CPS1: variants seen among roughly 807,000 people sequenced by gnomAD.
CPS1 encodes the protein carbamoyl-phosphate synthase 1.
In CPS1, 109 loss-of-function variants were observed where a neutral mutation model predicts 174.6. The ratio of observed to expected loss-of-function variants is 0.62; its 90% CI spans 0.53 to 0.73. The LOEUF (loss-of-function observed/expected upper bound fraction) is 0.73, where lower values mean the gene tolerates loss of function less well. CPS1 is among the 30% of genes least tolerant of loss of function. The pLI, the probability that CPS1 is intolerant of heterozygous loss-of-function variation, is 0.00. For missense variants in CPS1, 1,689 were observed against 1,821.9 expected (o/e 0.93, Z 1.33); for synonymous variants, 637 against 632.0 (o/e 1.01, Z -0.12).
intron 1 of CPS1, among the ~76,000 whole-genome samples, chr2:210,491,012 T>C (rs960637557): frequency 6.6e-6 from 1 of 152,162 alleles, no homozygotes. Context: ...AAAATCCCCT[T>C]GAGGACTATG....
chr2:210,583,391 C>T (rs1697994378), intron 6 of CPS1, among the ~76,000 whole-genome samples: 2 of 152,082 alleles, frequency 1.3e-5, no homozygotes, highest in Non-Finnish European at 2.9e-5. Context: ...GCAAGTAAAT[C>T]ACCATGTGCA....
intron 14 of CPS1, 115 bp from the exon 15 acceptor site, chr2:210,600,440 G>C: frequency 1.0e-6 from 1 of 1,000,684 alleles, no homozygotes; most frequent in East Asian, 2.5e-5. Context: ...TTCTATTGTA[G>C]ACAGTGGTAA....
At chr2:210,625,652 A>G (rs1315997468) in intron 21 of CPS1, among the ~76,000 whole-genome samples, 1 of 152,088 alleles carries the variant, frequency 6.6e-6, no homozygotes, top group Non-Finnish European at 1.5e-5. Flanking sequence ...GGAAGAGAGA[A>G]TTTAAAATAA....
At chr2:210,604,764 C>T (rs1194128510) in intron 16 of CPS1, among the ~76,000 whole-genome samples, 1 of 151,904 alleles carries the variant, frequency 6.6e-6, no homozygotes, top group African/African-American at 2.4e-5. Context: ...ATCACATTTT[C>T]TGGTTTCACA....
chr2:210,577,326 G>T, intron 3 of CPS1, 95 bp from the exon 4 acceptor site: 1 of 947,806 alleles, frequency 1.1e-6, no homozygotes. Context: ...CATGTCAGTG[G>T]ATATCATAAA....
chr2:210,677,161 A>G, intron 37 of CPS1, 25 bp downstream of exon 37: 7 of 1,611,318 alleles, frequency 4.3e-6, no homozygotes, highest in Non-Finnish European at 5.9e-6. Context: ...TTGGATATAG[A>G]CTGGATGGGA....
At chr2:210,573,192 A>T (rs984962108) in intron 1 of CPS1, 106 bp from the exon 2 acceptor site, 1 of 996,684 alleles carries the variant, frequency 1.0e-6, no homozygotes. Flanking sequence ...GGTTTCATTA[A>T]ATATACTGTG....
At chr2:210,481,420 C>G (rs1184526521) in intron 1 of CPS1, among the ~76,000 whole-genome samples, 1 of 152,188 alleles carries the variant, frequency 6.6e-6, no homozygotes, top group African/African-American at 2.4e-5. Context: ...GGGGTCTTCT[C>G]AGGACGCTGA....
Position 210,611,456 on chromosome 2 carries a change from G to A in CPS1, c.2392-661G>A, listed in dbSNP as rs577115627. On this transcript the variant is annotated intron_variant, in intron 19 of 37. Transcript: ENST00000233072. ...GCAAGATCAATTTAAGTTTAGTTCT[G>A]ACATGCAACTTGTCCAAACTAAATC... Among the ~76,000 whole-genome samples, 230 of 151,996 alleles carry A rather than the reference G, an allele frequency of 1.5e-3. 1 individual carries two copies. The highest frequency in any genetic ancestry group is 5.4e-3 in the African/African-American group (225 of 41,518).
Position 210,604,696 on chromosome 2 carries a change from A to G in CPS1, c.1837-406A>G, listed in dbSNP as rs575252050. Among the ~76,000 whole-genome samples the G allele has an allele frequency of 3.9e-5, 6 of 152,036 alleles. 1 individual carries two copies. The East Asian group carries it at 1.2e-3, about 30-fold the overall frequency. Reference sequence around the variant, plus strand: ...GTGTGTCACTGTACAAAGCACCCTCAGCTATTTTAGAGAGAGCCAGAGTCT... The same window carrying G: ...GTGTGTCACTGTACAAAGCACCCTCGGCTATTTTAGAGAGAGCCAGAGTCT... On this transcript the variant is annotated intron_variant, in intron 16 of 37. Transcript: ENST00000233072.
chr2:210,527,125 T>C (rs1261074842), intron 1 of CPS1, among the ~76,000 whole-genome samples: 3 of 151,938 alleles, frequency 2.0e-5, no homozygotes, highest in African/African-American at 7.2e-5. Flanking sequence ...TTTATTTCTT[T>C]CCTTTCCTTT....
chr2:210,550,889 T>G (rs1696712258), intron 1 of CPS1, among the ~76,000 whole-genome samples: 1 of 151,930 alleles, frequency 6.6e-6, no homozygotes, highest in Non-Finnish European at 1.5e-5. Flanking sequence ...ATTTTAAATT[T>G]AATAGTTAGC....
At chr2:210,669,324 A>G (rs1701215051) in intron 34 of CPS1, among the ~76,000 whole-genome samples, 1 of 152,166 alleles carries the variant, frequency 6.6e-6, no homozygotes. Flanking sequence ...AGGCTTCCCA[A>G]CTGGTCATTC....
intron 7 of CPS1, among the ~76,000 whole-genome samples, chr2:210,588,599 A>G (rs564908183): frequency 2.0e-5 from 3 of 152,126 alleles, no homozygotes; most frequent in Non-Finnish European, 2.9e-5. Context: ...AACCAGTTAA[A>G]ATTAAACCTT....
intron 1 of CPS1, among the ~76,000 whole-genome samples, chr2:210,489,686 A>G (rs944571531): frequency 6.6e-6 from 1 of 152,182 alleles, no homozygotes; most frequent in Non-Finnish European, 1.5e-5. Context: ...GCTACAAACA[A>G]GCTGTGGGAC....
At chr2:210,632,577 A>G (rs1699901921) in intron 21 of CPS1, among the ~76,000 whole-genome samples, 1 of 152,252 alleles carries the variant, frequency 6.6e-6, no homozygotes, top group African/African-American at 2.4e-5. Context: ...GACAATACAG[A>G]GAATTGACCT....
intron 21 of CPS1, among the ~76,000 whole-genome samples, chr2:210,628,800 A>C (rs1161132891): frequency 7.0e-6 from 1 of 142,682 alleles, no homozygotes; most frequent in Non-Finnish European, 1.6e-5. Context: ...ACTCTATCTC[A>C]AAAAAAAAAA....
At chr2:210,641,700 A>C (rs952102473) in intron 24 of CPS1, among the ~76,000 whole-genome samples, 1 of 152,226 alleles carries the variant, frequency 6.6e-6, no homozygotes, top group African/African-American at 2.4e-5. Context: ...TCAGGATCCA[A>C]AGAAGACTAG....
In CPS1 at chr2:210,515,137, G is replaced by A. The variant is rs557681849; in HGVS notation, c.3+37371G>A. Among the ~76,000 whole-genome samples the A allele has an allele frequency of 1.3e-3, 190 of 151,718 alleles. 1 individual carries two copies. Among genetic ancestry groups the A allele is most frequent in the Admixed American group, 1.8e-3 (27 of 15,160 alleles). On this transcript the variant is annotated intron_variant, in intron 1 of 38. Coordinates refer to the CPS1 transcript ENST00000430249. The stretch of plus-strand genomic sequence containing the variant: ...AGATTTTTGTGTCTATGTTGATCAG[G>A]AATATTGGCCTGCATTTTGTTTTTT...
Sources: allele counts gnomAD v4.1 joint callset (sites outside exome capture counted in the v4.1 genomes callset), GRCh38; gene constraint gnomAD v4.1.1; transcripts MANE v1.5; gene names NCBI Gene and HGNC (gene_info 2026-07-23, HGNC 2026-07-21).